Variants in GALNT13 observed in about 807,000 individuals in gnomAD.
GALNT13 encodes polypeptide N-acetylgalactosaminyltransferase 13.
Under a neutral mutation model 64.2 loss-of-function variants are expected in GALNT13, and 28 were observed. That is an observed-to-expected ratio of 0.44 (90% confidence interval 0.32 to 0.60). The LOEUF is 0.60. GALNT13 is among the 20% of genes least tolerant of loss of function. The probability of loss-of-function intolerance (pLI) is 0.05; values close to 1 mark genes in which losing one functional copy is unlikely to be tolerated. For missense variants in GALNT13, 577 were observed against 669.8 expected (o/e 0.86, Z 1.53); for synonymous variants, 214 against 224.6 (o/e 0.95, Z 0.42).
At chr2:154,089,013 C>G (rs1303801694) in intron 3 of GALNT13, among the ~76,000 whole-genome samples, 1 of 152,054 alleles carries the variant, frequency 6.6e-6, no homozygotes, top group African/African-American at 2.4e-5. Flanking sequence ...ACCTGATTAT[C>G]TATGGTGAAT....
the GALNT13 span, among the ~76,000 whole-genome samples, chr2:153,771,958 G>A: frequency 3.3e-5 from 5 of 152,258 alleles, no homozygotes; most frequent in South Asian, 2.1e-4. Flanking sequence ...GGAGCAGTCC[G>A]GGGCACCCAG....
chr2:153,385,753 T>A, the GALNT13 span, among the ~76,000 whole-genome samples: 1 of 152,014 alleles, frequency 6.6e-6, no homozygotes. Context: ...CTTGAGGAGA[T>A]GGACACCCCA....
At chr2:153,376,386 C>G in the GALNT13 span, among the ~76,000 whole-genome samples, 1 of 152,184 alleles carries the variant, frequency 6.6e-6, no homozygotes, top group South Asian at 2.1e-4. Context: ...CACTTAGGGC[C>G]TTTCAAAGAA....
At chr2:153,197,067 A>T in the GALNT13 span, among the ~76,000 whole-genome samples, 7 of 152,124 alleles carry the variant, frequency 4.6e-5, no homozygotes, top group Admixed American at 2.6e-4. Flanking sequence ...TGTACAGGTG[A>T]GTGTAGGTGG....
the GALNT13 span, among the ~76,000 whole-genome samples, chr2:153,516,302 G>A: frequency 3.9e-5 from 6 of 152,280 alleles, no homozygotes; most frequent in Admixed American, 2.0e-4. Flanking sequence ...ACAAACACCT[G>A]TAGAATGAAT....
chr2:154,111,969 G>T (rs535964415), intron 3 of GALNT13, among the ~76,000 whole-genome samples: 5 of 152,136 alleles, frequency 3.3e-5, no homozygotes, highest in African/African-American at 1.2e-4. Flanking sequence ...TTGCTGTGTG[G>T]AATACCATGA....
At chr2:154,094,218 C>A (rs1465150183) in intron 3 of GALNT13, among the ~76,000 whole-genome samples, 3 of 151,910 alleles carry the variant, frequency 2.0e-5, no homozygotes, top group Admixed American at 6.6e-5. Flanking sequence ...GGCCACTAGG[C>A]AGTTTCCAGG....
At chr2:153,534,442 G>T in the GALNT13 span, among the ~76,000 whole-genome samples, 1 of 151,736 alleles carries the variant, frequency 6.6e-6, no homozygotes, top group Non-Finnish European at 1.5e-5. Flanking sequence ...CGGCTAGAGT[G>T]AGCTGGAATT....
the GALNT13 span, among the ~76,000 whole-genome samples, chr2:153,746,372 GT>G: frequency 2.0e-5 from 3 of 152,136 alleles, no homozygotes; most frequent in Non-Finnish European, 4.4e-5. Flanking sequence ...TGGTTTTGTT[GT>G]GATATATATA....
chr2:153,858,582 CTT>C, the GALNT13 span, among the ~76,000 whole-genome samples: 1 of 152,078 alleles, frequency 6.6e-6, no homozygotes, highest in East Asian at 1.9e-4. Flanking sequence ...ATTTATATAA[CTT>C]TTATTTCAGT....
At chr2:154,434,918 C>T (rs186339276) in intron 11 of GALNT13, among the ~76,000 whole-genome samples, 56 of 152,128 alleles carry the variant, frequency 3.7e-4, no homozygotes, top group Admixed American at 2.0e-3. Flanking sequence ...GTAATATATA[C>T]GAAGCATAGA....
intron 1 of GALNT13, among the ~76,000 whole-genome samples, chr2:153,895,167 TA>T (rs1282632893): frequency 6.6e-6 from 1 of 152,144 alleles, no homozygotes; most frequent in East Asian, 1.9e-4. Flanking sequence ...AAAATGGCAT[TA>T]AAAATGGTAA....
At chr2:153,205,511 G>A in the GALNT13 span, among the ~76,000 whole-genome samples, 1 of 152,030 alleles carries the variant, frequency 6.6e-6, no homozygotes, top group Admixed American at 6.6e-5. Flanking sequence ...TCAGAGTTGT[G>A]CCTGTCTCAT....
the GALNT13 span, among the ~76,000 whole-genome samples, chr2:153,693,867 C>T: frequency 6.6e-6 from 1 of 152,112 alleles, no homozygotes; most frequent in Non-Finnish European, 1.5e-5. Context: ...GTAATCCCAG[C>T]ACTTTGGGAG....
At chr2:153,546,706 T>G in the GALNT13 span, among the ~76,000 whole-genome samples, 2 of 152,222 alleles carry the variant, frequency 1.3e-5, no homozygotes, top group Admixed American at 6.5e-5. Flanking sequence ...AAATACCTTG[T>G]CAATAAATCT....
Position 153,872,846 on chromosome 2 carries a change from A to G in GALNT13, c.-177+543A>G, listed in dbSNP as rs918397323. Among the ~76,000 whole-genome samples, 16 of 151,780 alleles carry G rather than the reference A, an allele frequency of 1.1e-4. 1 individual carries two copies. The highest frequency in any genetic ancestry group is 9.2e-4 in the Admixed American group (14 of 15,264). On this transcript the variant is annotated intron_variant, in intron 1 of 12. Coordinates refer to ENST00000392825, the MANE Select transcript of GALNT13 (RefSeq NM_052917.4). Reference sequence around the variant, plus strand: ...TGCCCCCTTTGCCTCGCTTTTTCAGAGTCCTCTTGCCTCTCATTCTCGCCG... The same window carrying G: ...TGCCCCCTTTGCCTCGCTTTTTCAGGGTCCTCTTGCCTCTCATTCTCGCCG...
chr2:153,548,803 G>A, the GALNT13 span, among the ~76,000 whole-genome samples: 5 of 152,070 alleles, frequency 3.3e-5, no homozygotes, highest in Non-Finnish European at 7.4e-5. Flanking sequence ...GAAAACATAT[G>A]CTCACGTGAA....
chr2:153,946,342 G>A (rs1296212046), intron 3 of GALNT13, among the ~76,000 whole-genome samples: 2 of 152,044 alleles, frequency 1.3e-5, no homozygotes, highest in African/African-American at 4.8e-5. Context: ...CTCAAAATGT[G>A]AAATTTAACA....
At chr2:153,676,953 G>C in the GALNT13 span, among the ~76,000 whole-genome samples, 2 of 151,604 alleles carry the variant, frequency 1.3e-5, no homozygotes, top group East Asian at 3.9e-4. Context: ...GAGACATTTT[G>C]CTGGAGCTGG....
Sources: allele counts gnomAD v4.1 joint callset (sites outside exome capture counted in the v4.1 genomes callset), GRCh38; gene constraint gnomAD v4.1.1; transcripts MANE v1.5; gene names NCBI Gene and HGNC (gene_info 2026-07-23, HGNC 2026-07-21).